The following DPP6 variants were observed in gnomAD, a reference collection of about 807,000 sequenced individuals.
DPP6 encodes the protein A-type potassium channel modulatory protein DPP6.
In DPP6, 69 loss-of-function variants were observed where a neutral mutation model predicts 122.6. The observed-to-expected ratio is 0.56, with a 90% CI of 0.46 to 0.69. DPP6 has a LOEUF of 0.69. Ranked by LOEUF, DPP6 falls within the 30% of genes least tolerant of loss-of-function variation. The pLI, the probability that DPP6 is intolerant of heterozygous loss-of-function variation, is 0.00. For missense variants in DPP6, 928 were observed against 1,116.9 expected, an observed-to-expected ratio of 0.83 and a Z score of 2.41; for synonymous variants, 418 against 433.1, an observed-to-expected ratio of 0.97 and a Z score of 0.43.
At chr7:154,358,923 C>G (rs1034702310) in intron 1 of DPP6, among the ~76,000 whole-genome samples, 6 of 152,318 alleles carry the variant, frequency 3.9e-5, no homozygotes, top group African/African-American at 1.4e-4. Context: ...CCAGGCTGGT[C>G]TCGAACTCCT....
At chr7:154,691,258 C>G (rs1839916234) in intron 7 of DPP6, among the ~76,000 whole-genome samples, 1 of 152,146 alleles carries the variant, frequency 6.6e-6, no homozygotes, top group Non-Finnish European at 1.5e-5. Flanking sequence ...TCAATTCTCT[C>G]AAACTTCTGT....
intron 1 of DPP6, among the ~76,000 whole-genome samples, chr7:154,332,139 C>T (rs185199035): frequency 0.019 from 2,820 of 151,668 alleles, 29 homozygotes; most frequent in Middle Eastern, 0.031. Flanking sequence ...TGGTGCAATC[C>T]CAGCTCACTG....
At chr7:154,692,325 T>C (rs2131221936) in intron 7 of DPP6, among the ~76,000 whole-genome samples, 1 of 152,334 alleles carries the variant, frequency 6.6e-6, no homozygotes, top group Non-Finnish European at 1.5e-5. Context: ...AAGATTAAGA[T>C]ACTTATTTTG....
the DPP6 span, among the ~76,000 whole-genome samples, chr7:153,809,772 A>G: frequency 6.7e-6 from 1 of 149,932 alleles, no homozygotes; most frequent in Non-Finnish European, 1.5e-5. Flanking sequence ...GTTGCCCAAC[A>G]TCTCTGAGCC....
chr7:154,764,678 G>A (rs1363096932), intron 8 of DPP6, among the ~76,000 whole-genome samples: 1 of 152,134 alleles, frequency 6.6e-6, no homozygotes, highest in Non-Finnish European at 1.5e-5. Context: ...TGTATTCCCA[G>A]ACCCCATAGT....
chr7:153,897,175 TGAG>T (rs989754040), intron 1 of DPP6, among the ~76,000 whole-genome samples: 7 of 152,212 alleles, frequency 4.6e-5, no homozygotes, highest in African/African-American at 1.7e-4. Flanking sequence ...GCTAAGATTT[TGAG>T]AGAGTATATA....
intron 1 of DPP6, among the ~76,000 whole-genome samples, chr7:154,187,180 C>T (rs1230086203): frequency 6.6e-6 from 1 of 152,214 alleles, no homozygotes; most frequent in Non-Finnish European, 1.5e-5. Context: ...TGAAATGGAA[C>T]ATTATTATAC....
chr7:154,829,762 C>A (rs1015314134), intron 16 of DPP6, among the ~76,000 whole-genome samples: 3 of 152,086 alleles, frequency 2.0e-5, no homozygotes, highest in Non-Finnish European at 4.4e-5. Flanking sequence ...AACTGCAGAC[C>A]ACTTGCCATA....
the DPP6 span, among the ~76,000 whole-genome samples, chr7:153,867,800 C>G: frequency 6.6e-6 from 1 of 152,084 alleles, no homozygotes; most frequent in Non-Finnish European, 1.5e-5. Flanking sequence ...ACATAGATAG[C>G]TCTTATTATT....
chr7:153,772,986 A>C, the DPP6 span, among the ~76,000 whole-genome samples: 3 of 127,362 alleles, frequency 2.4e-5, no homozygotes, highest in Admixed American at 1.6e-4. Context: ...TATATATTAT[A>C]TAATAATATA....
intron 1 of DPP6, among the ~76,000 whole-genome samples, chr7:154,035,960 G>C (rs1198310957): frequency 6.6e-6 from 1 of 152,008 alleles, no homozygotes; most frequent in Non-Finnish European, 1.5e-5. Context: ...TAAGCCCAGT[G>C]AAAGGAGAGT....
intron 1 of DPP6, among the ~76,000 whole-genome samples, chr7:154,082,039 G>A (rs988232901): frequency 6.6e-6 from 1 of 152,112 alleles, no homozygotes; most frequent in Non-Finnish European, 1.5e-5. Flanking sequence ...TGTGTGGTCT[G>A]CTTGGAGGAC....
chr7:153,926,552 G>C (rs1055508331), intron 1 of DPP6, among the ~76,000 whole-genome samples: 2 of 152,156 alleles, frequency 1.3e-5, no homozygotes, highest in Non-Finnish European at 2.9e-5. Flanking sequence ...GAAGGTAAGA[G>C]GTGTGATGGA....
At position 154,309,696 on chromosome 7, in the gene DPP6, A is replaced by G. The variant is rs146301435; in HGVS notation, c.244-136518A>G. On this transcript the variant is annotated intron_variant, in intron 1 of 25. Coordinates refer to ENST00000377770, the MANE Select transcript of DPP6 (RefSeq NM_130797.4). ...AAGGCAATGTGAGACATCCGTATTT[A>G]AGATAAATGTGGTAACAGGAAAAAA... 2.0e-3 allele frequency among the ~76,000 whole-genome samples: 300 copies of G among 152,322 alleles called. 4 individuals are homozygous for G. The highest frequency in any genetic ancestry group is 6.8e-3 in the African/African-American group (281 of 41,566).
intron 10 of DPP6, among the ~76,000 whole-genome samples, chr7:154,786,814 C>G (rs933845530): frequency 6.6e-6 from 1 of 152,064 alleles, no homozygotes; most frequent in South Asian, 2.1e-4. Context: ...CACTTATCAC[C>G]GTTTCATCCA....
At chr7:154,305,353 C>A (rs564638393) in intron 1 of DPP6, 2 of 1,023,424 alleles carry the variant, frequency 2.0e-6, no homozygotes, top group Admixed American at 5.5e-5. Context: ...CTCCCTCCCC[C>A]ATCCTCCCCA....
At chr7:154,247,566 C>G (rs1383888464) in intron 1 of DPP6, among the ~76,000 whole-genome samples, 6 of 151,614 alleles carry the variant, frequency 4.0e-5, no homozygotes, top group African/African-American at 7.3e-5. Flanking sequence ...TTAAAACCCA[C>G]TGGAATGGTT....
chr7:154,726,712 C>G (rs1184558269), intron 7 of DPP6, among the ~76,000 whole-genome samples: 1 of 152,202 alleles, frequency 6.6e-6, no homozygotes, highest in Non-Finnish European at 1.5e-5. Context: ...CTGTAGCAGG[C>G]TTGAATTCCT....
intron 1 of DPP6, among the ~76,000 whole-genome samples, chr7:154,384,717 T>TTTTC (rs202128841): frequency 8.7e-5 from 10 of 114,336 alleles, no homozygotes; most frequent in African/African-American, 2.0e-4. Flanking sequence ...TAAGTTCTTT[T>TTTTC]TTTCTTTCTT....
Sources: allele counts gnomAD v4.1 joint callset (sites outside exome capture counted in the v4.1 genomes callset), GRCh38; gene constraint gnomAD v4.1.1; transcripts MANE v1.5; gene names NCBI Gene and HGNC (gene_info 2026-07-23, HGNC 2026-07-21).